The following CFAP52 variants were observed in gnomAD, a reference collection of about 807,000 sequenced individuals.
The protein encoded by CFAP52 is cilia- and flagella-associated protein 52.
CFAP52 carries 57 observed loss-of-function variants against 70.5 expected under a neutral mutation model. The ratio of observed to expected loss-of-function variants is 0.81; its 90% CI spans 0.65 to 1.01. The LOEUF is 1.01. Among genes scored for constraint, CFAP52 ranks in the 50% least tolerant of loss-of-function variants. CFAP52 has a pLI of 0.00. For synonymous variants in CFAP52, 267 were observed against 292.5 expected, an observed-to-expected ratio of 0.91 and a Z score of 0.89; for missense variants, 785 against 788.5, an observed-to-expected ratio of 1.00 and a Z score of 0.05.
At position 9,622,725 on chromosome 17, in the gene CFAP52, C is replaced by G. The variant is rs73253893; in HGVS notation, c.1026-5947C>G. 5.6e-3 allele frequency among the ~76,000 whole-genome samples: 854 copies of G among 152,128 alleles called. 10 individuals carry two copies. The highest frequency in any genetic ancestry group is 0.019 in the African/African-American group (771 of 41,490). ...TTTGTATTGAAGTATAACATATATG[C>G]AAAATACATAAATCATAAATAAGCA... On this transcript the variant is annotated intron_variant, in intron 8 of 13. Transcript: ENST00000352665.
intron 6 of CFAP52, among the ~76,000 whole-genome samples, chr17:9,602,900 C>T (rs151259266): frequency 6.6e-5 from 10 of 152,138 alleles, no homozygotes; most frequent in East Asian, 1.9e-4. Context: ...GTTTGTTGGC[C>T]GCATAAATAT....
chr17:9,593,622 A>AT (rs1908863654), intron 3 of CFAP52, among the ~76,000 whole-genome samples: 1 of 151,754 alleles, frequency 6.6e-6, no homozygotes, highest in Non-Finnish European at 1.5e-5. Flanking sequence ...CATCCAGCTA[A>AT]TTTTTTTATT....
At position 9,625,574 on chromosome 17, in the gene CFAP52, A is replaced by C. The variant is rs531861217; in HGVS notation, c.1026-3098A>C. On this transcript the variant is annotated intron_variant, in intron 8 of 13. Coordinates refer to ENST00000352665, the MANE Select transcript of CFAP52 (RefSeq NM_145054.5). Reference sequence around the variant, plus strand: ...TTTCTAGCCCTCAACTCTGATCTCTAGCATTGTTAGCTGGTAACGCTATGG... The same window carrying C: ...TTTCTAGCCCTCAACTCTGATCTCTCGCATTGTTAGCTGGTAACGCTATGG... 1.9e-4 allele frequency among the ~76,000 whole-genome samples: 29 copies of C among 150,730 alleles called. 1 individual carries two copies. The South Asian group carries it at 5.6e-3, about 29-fold the overall frequency.
intron 10 of CFAP52, 107 bp downstream of exon 10, chr17:9,633,140 C>A: frequency 7.5e-7 from 1 of 1,338,256 alleles, no homozygotes; most frequent in Non-Finnish European, 1.0e-6. Flanking sequence ...AGTATTCAAG[C>A]AGGACCAAAT....
intron 6 of CFAP52, among the ~76,000 whole-genome samples, chr17:9,601,183 T>A (rs79792561): frequency 1.3e-5 from 2 of 148,312 alleles, no homozygotes; most frequent in Admixed American, 6.9e-5. Context: ...AACACCACAT[T>A]TTCTTACTCA....
At chr17:9,643,947 C>CTTTTTTT (rs1911205961), downstream of CFAP52, among the ~76,000 whole-genome samples, 1 of 152,194 alleles carries the variant, frequency 6.6e-6, no homozygotes, top group South Asian at 2.1e-4. Context: ...AGCCGGGTAT[C>CTTTTTTT]TTTTTCCAGA....
chr17:9,611,556 G>A (rs1458778563), intron 7 of CFAP52, among the ~76,000 whole-genome samples: 1 of 151,720 alleles, frequency 6.6e-6, no homozygotes, highest in Non-Finnish European at 1.5e-5. Flanking sequence ...TTAGAGACAG[G>A]GTCTTGCCAT....
At chr17:9,583,779 G>A (rs1908327114) in intron 1 of CFAP52, among the ~76,000 whole-genome samples, 1 of 152,202 alleles carries the variant, frequency 6.6e-6, no homozygotes, top group Non-Finnish European at 1.5e-5. Context: ...CAATAATGGA[G>A]GACCTGGGTC....
At chr17:9,577,079 A>C (rs1907985838) in intron 1 of CFAP52, among the ~76,000 whole-genome samples, 1 of 152,126 alleles carries the variant, frequency 6.6e-6, no homozygotes, top group Non-Finnish European at 1.5e-5. Context: ...CCCTTCTCCC[A>C]CTAGGTCAGC....
At chr17:9,601,913 T>C (rs1909286838) in intron 6 of CFAP52, among the ~76,000 whole-genome samples, 2 of 152,198 alleles carry the variant, frequency 1.3e-5, no homozygotes, top group African/African-American at 4.8e-5. Flanking sequence ...ATAGCAGATA[T>C]TCTCAAGAAA....
chr17:9,630,496 C>G (rs1401135495), intron 9 of CFAP52, among the ~76,000 whole-genome samples: 1 of 146,228 alleles, frequency 6.8e-6, no homozygotes, highest in Non-Finnish European at 1.5e-5. Flanking sequence ...GTGGCGCGAT[C>G]TCGGCTCACT....
At chr17:9,593,865 C>T (rs61686548) in intron 3 of CFAP52, among the ~76,000 whole-genome samples, 167 of 151,748 alleles carry the variant, frequency 1.1e-3, no homozygotes, top group African/African-American at 3.8e-3. Context: ...CTCAGGAGGC[C>T]GAGGCAGGAG....
chr17:9,625,029 C>G (rs1347586530), intron 8 of CFAP52, among the ~76,000 whole-genome samples: 1 of 152,088 alleles, frequency 6.6e-6, no homozygotes, highest in Non-Finnish European at 1.5e-5. Flanking sequence ...CTGTTAACCT[C>G]AAGCTCTGAC....
intron 1 of CFAP52, chr17:9,584,267 C>G: frequency 7.8e-7 from 1 of 1,279,582 alleles, no homozygotes; most frequent in Non-Finnish European, 1.0e-6. Flanking sequence ...AAACTTTTCT[C>G]TAACATGGAA....
At chr17:9,631,032 G>GAAAGAA (rs1473831778) in intron 9 of CFAP52, among the ~76,000 whole-genome samples, 7 of 46,832 alleles carry the variant, frequency 1.5e-4, no homozygotes, top group African/African-American at 4.8e-4. Flanking sequence ...GAAAGAAAGA[G>GAAAGAA]AGAGAGAGAG....
At chr17:9,635,139 T>A (rs57323725) in intron 10 of CFAP52, among the ~76,000 whole-genome samples, 8,873 of 152,178 alleles carry the variant, frequency 0.058, 329 homozygotes, top group South Asian at 0.12. Flanking sequence ...ATAGCAGGTG[T>A]CTGATTAAAT....
intron 1 of CFAP52, among the ~76,000 whole-genome samples, chr17:9,583,768 G>A (rs34662285): frequency 0.49 from 74,895 of 152,024 alleles, 21,250 homozygotes; most frequent in Middle Eastern, 0.65. Context: ...CCATAGGTGA[G>A]CAATAATGGA....
chr17:9,622,733 A>T (rs559552359), intron 8 of CFAP52, among the ~76,000 whole-genome samples: 1 of 152,200 alleles, frequency 6.6e-6, no homozygotes. Flanking sequence ...TGCAAAATAC[A>T]TAAATCATAA....
chr17:9,643,394 G>A lies in CFAP52; in HGVS notation c.*196G>A, dbSNP rs905242075. On this transcript the variant is annotated 3_prime_UTR_variant, in exon 14 of 14. Coordinates refer to ENST00000352665, the MANE Select transcript of CFAP52 (RefSeq NM_145054.5). Reference sequence around the variant, plus strand: ...ATTGAAGTATGTTCAAGAATAATTTGTGCAGACTCTAATTAGAACTTTTAA... The same window carrying A: ...ATTGAAGTATGTTCAAGAATAATTTATGCAGACTCTAATTAGAACTTTTAA... The A allele has an allele frequency of 4.5e-6, 2 of 447,820 alleles. No individual in the cohort carries two copies. The highest frequency in any genetic ancestry group is 7.8e-5 in the South Asian group (1 of 12,794). 27.7% of individuals were successfully genotyped at this position (447,820 alleles called of 1,614,324 possible).
Sources: gnomAD v4.1 joint callset for allele counts (sites outside exome capture counted in the v4.1 genomes callset) on GRCh38, gnomAD v4.1.1 for gene constraint, MANE v1.5 for transcripts, NCBI Gene and HGNC (gene_info 2026-07-23, HGNC 2026-07-21) for gene names.